UNC13C: variants seen among roughly 807,000 people sequenced by gnomAD.
UNC13C encodes unc-13 homolog C.
Under a neutral mutation model 245.4 loss-of-function variants are expected in UNC13C, and 174 were observed. The ratio of observed to expected loss-of-function variants is 0.71; its 90% CI spans 0.63 to 0.80. UNC13C has a LOEUF of 0.80. Among genes scored for constraint, UNC13C ranks in the 30% least tolerant of loss-of-function variants. The pLI is 0.00. For missense variants in UNC13C, 2,829 were observed against 2,602.9 expected, an observed-to-expected ratio of 1.09 and a Z score of -1.89; for synonymous variants, 992 against 895.1, an observed-to-expected ratio of 1.11 and a Z score of -1.93.
chr15:53,938,144 A>G, the UNC13C span, among the ~76,000 whole-genome samples: 1 of 152,204 alleles, frequency 6.6e-6, no homozygotes. Flanking sequence ...GACCCATCTC[A>G]TGTGCAAAGA....
chr15:53,931,352 AG>A, the UNC13C span, among the ~76,000 whole-genome samples: 1 of 152,038 alleles, frequency 6.6e-6, no homozygotes, highest in Non-Finnish European at 1.5e-5. Flanking sequence ...TATTTTTAGT[AG>A]AGACAGGGTT....
At chr15:54,481,791 T>C (rs12916571) in intron 19 of UNC13C, among the ~76,000 whole-genome samples, 51,951 of 151,632 alleles carry the variant, frequency 0.34, 9,423 homozygotes, top group East Asian at 0.62. Context: ...TCCTCATGTC[T>C]CCTGATGGTG....
At chr15:54,200,533 G>T (rs956353024) in intron 4 of UNC13C, among the ~76,000 whole-genome samples, 2 of 151,868 alleles carry the variant, frequency 1.3e-5, no homozygotes, top group Non-Finnish European at 2.9e-5. Context: ...TCAAAACCGT[G>T]CAAATACGTG....
intron 30 of UNC13C, among the ~76,000 whole-genome samples, chr15:54,621,246 TACA>T (rs1900778984): frequency 1.3e-5 from 2 of 152,200 alleles, no homozygotes; most frequent in Non-Finnish European, 2.9e-5. Context: ...ATTAATCTAA[TACA>T]TTGCAAATGA....
chr15:54,624,316 GCC>G (rs1459973064), intron 32 of UNC13C, among the ~76,000 whole-genome samples: 1 of 152,182 alleles, frequency 6.6e-6, no homozygotes, highest in Non-Finnish European at 1.5e-5. Flanking sequence ...GGTCAGGGAA[GCC>G]TCTCTGAGCA....
intron 19 of UNC13C, among the ~76,000 whole-genome samples, chr15:54,488,604 A>G (rs1158158350): frequency 6.6e-6 from 1 of 152,160 alleles, no homozygotes; most frequent in Non-Finnish European, 1.5e-5. Flanking sequence ...ACAGAAAAAA[A>G]CTCATGAATA....
intron 31 of UNC13C, among the ~76,000 whole-genome samples, chr15:54,623,195 AT>A (rs149457699): frequency 0.045 from 6,800 of 151,926 alleles, 501 homozygotes; most frequent in African/African-American, 0.16. Context: ...TTCATTTAGT[AT>A]TTTTTTTATG....
chr15:54,600,134 CT>C (rs1899330299), intron 30 of UNC13C, among the ~76,000 whole-genome samples: 1 of 152,128 alleles, frequency 6.6e-6, no homozygotes, highest in South Asian at 2.1e-4. Context: ...AGTTTATGAT[CT>C]AATTTGTCAG....
At chr15:54,323,378 T>C (rs991658278) in intron 14 of UNC13C, among the ~76,000 whole-genome samples, 1 of 152,044 alleles carries the variant, frequency 6.6e-6, no homozygotes, top group Admixed American at 6.6e-5. Flanking sequence ...CTCTTTGGGT[T>C]AGGAGTTATG....
At chr15:54,296,565 G>A (rs1211186311) in intron 11 of UNC13C, among the ~76,000 whole-genome samples, 1 of 151,986 alleles carries the variant, frequency 6.6e-6, no homozygotes, top group Non-Finnish European at 1.5e-5. Context: ...CTCTCAACCA[G>A]TAGGAAAATC....
chr15:54,184,455 C>T (rs111396267), intron 4 of UNC13C, among the ~76,000 whole-genome samples: 1 of 152,022 alleles, frequency 6.6e-6, no homozygotes, highest in Admixed American at 6.6e-5. Context: ...GTGTGATGTT[C>T]CCCTTCCTGT....
At chr15:54,306,670 C>T (rs1161410191) in intron 13 of UNC13C, among the ~76,000 whole-genome samples, 1 of 151,892 alleles carries the variant, frequency 6.6e-6, no homozygotes, top group Non-Finnish European at 1.5e-5. Flanking sequence ...TTTAATCAGT[C>T]ATTTATTGTA....
intron 17 of UNC13C, among the ~76,000 whole-genome samples, chr15:54,382,502 A>C (rs1457583345): frequency 6.6e-6 from 1 of 152,070 alleles, no homozygotes; most frequent in Non-Finnish European, 1.5e-5. Flanking sequence ...GGTGGGACCC[A>C]GAAAGTTAAG....
chr15:54,306,842 T>C (rs1431238645), intron 13 of UNC13C, among the ~76,000 whole-genome samples: 1 of 151,956 alleles, frequency 6.6e-6, no homozygotes, highest in Non-Finnish European at 1.5e-5. Flanking sequence ...CTTTATCTAA[T>C]TTATATTTAA....
the UNC13C span, among the ~76,000 whole-genome samples, chr15:53,852,701 C>A: frequency 6.6e-6 from 1 of 152,068 alleles, no homozygotes; most frequent in Non-Finnish European, 1.5e-5. Flanking sequence ...CATATCGTGT[C>A]CATTCTGTCT....
At chr15:53,850,337 C>G in the UNC13C span, among the ~76,000 whole-genome samples, 1 of 152,106 alleles carries the variant, frequency 6.6e-6, no homozygotes, top group Non-Finnish European at 1.5e-5. Flanking sequence ...ATCACTTGAA[C>G]CCCGGTGGTT....
chr15:54,548,325 C>T (rs1200953077), intron 27 of UNC13C, among the ~76,000 whole-genome samples: 1 of 150,234 alleles, frequency 6.7e-6, no homozygotes, highest in African/African-American at 2.4e-5. Context: ...AGGTTCACGC[C>T]ATTCTCCTGC....
intron 19 of UNC13C, among the ~76,000 whole-genome samples, chr15:54,443,805 C>A (rs1390963561): frequency 6.6e-6 from 1 of 151,340 alleles, no homozygotes; most frequent in Non-Finnish European, 1.5e-5. Flanking sequence ...TTTGTTGAGA[C>A]TTGCGTTGCA....
chr15:54,200,751 C>T lies in UNC13C; in HGVS notation c.3072-34279C>T, dbSNP rs546470150. Among the ~76,000 whole-genome samples the T allele has an allele frequency of 2.0e-4, 31 of 152,026 alleles. 2 individuals carry two copies. In the South Asian group the frequency reaches 6.2e-3, roughly 31 times the overall value. On this transcript the variant is annotated intron_variant, in intron 4 of 32. Coordinates refer to ENST00000260323, the MANE Select transcript of UNC13C (RefSeq NM_001080534.3). ...AGCACTCAGACAATCTAAGGTCACA[C>T]CTCATGGAACTGGAGAAACAAGAGC...
Sources: gnomAD v4.1 joint callset for allele counts (sites outside exome capture counted in the v4.1 genomes callset) on GRCh38, gnomAD v4.1.1 for gene constraint, MANE v1.5 for transcripts, NCBI Gene and HGNC (gene_info 2026-07-23, HGNC 2026-07-21) for gene names.